The following CWH43 variants were observed in gnomAD, a reference collection of about 807,000 sequenced individuals.
CWH43 encodes the protein PGAP2-interacting protein.
In CWH43, 91 loss-of-function variants were observed where a neutral mutation model predicts 85.7. The observed-to-expected ratio is 1.06, with a 90% CI of 0.90 to 1.26. The LOEUF (loss-of-function observed/expected upper bound fraction) is 1.26, where lower values mean the gene tolerates loss of function less well. Among genes scored for constraint, CWH43 ranks in the 50% most tolerant of loss-of-function variants. The probability of loss-of-function intolerance (pLI) is 0.00; values close to 1 mark genes in which losing one functional copy is unlikely to be tolerated. For missense variants in CWH43, 869 were observed against 839.2 expected, an observed-to-expected ratio of 1.04 and a Z score of -0.44; for synonymous variants, 323 against 293.6, an observed-to-expected ratio of 1.10 and a Z score of -1.02.
At chr4:48,995,437 C>CT (rs1298069485) in intron 5 of CWH43, among the ~76,000 whole-genome samples, 1 of 152,222 alleles carries the variant, frequency 6.6e-6, no homozygotes, top group Non-Finnish European at 1.5e-5. Context: ...TTGTAACTGG[C>CT]TCCATCTCTT....
chr4:48,998,653 G>A, intron 6 of CWH43, 105 bp downstream of exon 6: 1 of 832,308 alleles, frequency 1.2e-6, no homozygotes. Flanking sequence ...ATACAAATAT[G>A]TACTGTGGCC....
At chr4:48,997,821 G>A (rs1346002490) in intron 5 of CWH43, among the ~76,000 whole-genome samples, 4 of 152,172 alleles carry the variant, frequency 2.6e-5, no homozygotes, top group African/African-American at 4.8e-5. Context: ...TTAAAATAGT[G>A]CCTGGTATGT....
chr4:49,016,039 TG>T (rs1451099538), intron 8 of CWH43, among the ~76,000 whole-genome samples: 1 of 152,216 alleles, frequency 6.6e-6, no homozygotes, highest in Non-Finnish European at 1.5e-5. Flanking sequence ...TTCCTGCTCA[TG>T]GAAACTTGTT....
chr4:49,049,016 T>A (rs1270780275), intron 14 of CWH43, among the ~76,000 whole-genome samples: 2 of 152,106 alleles, frequency 1.3e-5, no homozygotes, highest in African/African-American at 2.4e-5. Context: ...AATGGAAGAT[T>A]TGGATTGTCA....
chr4:49,056,335 T>C (rs1392176391), intron 15 of CWH43, among the ~76,000 whole-genome samples: 2 of 152,160 alleles, frequency 1.3e-5, no homozygotes, highest in African/African-American at 4.8e-5. Context: ...TGATTACCAG[T>C]TCAATTTTCT....
intron 9 of CWH43, among the ~76,000 whole-genome samples, chr4:49,019,336 G>GTT (rs752323567): frequency 1.3e-5 from 2 of 152,088 alleles, no homozygotes; most frequent in Non-Finnish European, 2.9e-5. Flanking sequence ...TGAGAAAAAA[G>GTT]TTGTGAGGCC....
intron 9 of CWH43, among the ~76,000 whole-genome samples, chr4:49,025,339 A>G (rs1200478849): frequency 1.3e-5 from 2 of 151,672 alleles, no homozygotes; most frequent in African/African-American, 2.4e-5. Flanking sequence ...CAACCTTCTG[A>G]ATTCTTTTTC....
At chr4:49,016,568 G>A in intron 8 of CWH43, 1 of 699,470 alleles carries the variant, frequency 1.4e-6, no homozygotes. Flanking sequence ...AACCATTACA[G>A]GGTGAAGATA....
intron 9 of CWH43, among the ~76,000 whole-genome samples, chr4:49,020,669 C>T (rs934106322): frequency 5.9e-5 from 9 of 152,118 alleles, no homozygotes; most frequent in Non-Finnish European, 1.2e-4. Flanking sequence ...GTTTACCTTC[C>T]CACAGACAGT....
intron 12 of CWH43, among the ~76,000 whole-genome samples, chr4:49,036,734 G>A (rs900881809): frequency 9.2e-5 from 14 of 152,146 alleles, no homozygotes; most frequent in Non-Finnish European, 1.9e-4. Context: ...TTCTGGGTAG[G>A]TTTAGCCAAT....
intron 13 of CWH43, among the ~76,000 whole-genome samples, chr4:49,042,537 C>A (rs1046883619): frequency 1.3e-5 from 2 of 152,146 alleles, no homozygotes; most frequent in African/African-American, 2.4e-5. Flanking sequence ...ATCTGGAATC[C>A]AGAAGGGCAG....
At chr4:49,019,785 G>A (rs1450392357) in intron 9 of CWH43, among the ~76,000 whole-genome samples, 2 of 151,974 alleles carry the variant, frequency 1.3e-5, no homozygotes, top group African/African-American at 4.8e-5. Context: ...TCACCATGAT[G>A]GGCAGGCTGG....
chr4:49,032,527 C>A (rs1784127290), intron 11 of CWH43, 39 bp from the exon 12 acceptor site: 4 of 1,610,762 alleles, frequency 2.5e-6, no homozygotes, highest in Middle Eastern at 1.6e-4. Context: ...TAGAATGGGA[C>A]TGACAATGAT....
chr4:49,050,768 A>T lies in CWH43; in HGVS notation c.1940A>T (p.Asp647Val). 6.2e-7 allele frequency: 1 copy of T among 1,611,668 alleles called. No individual in the cohort carries two copies. The highest frequency in any genetic ancestry group is 8.5e-7 in the Non-Finnish European group (1 of 1,177,908). The part of the protein sequence containing the change: ...EIQMAKFRIP[D>V]DPTNYRDNQK... ...CAGATGGCAAAATTTAGGATCCCTGATGACCCCACTAATTATAGAGACAAC... is the reference window on the plus strand; with the variant it reads ...CAGATGGCAAAATTTAGGATCCCTGTTGACCCCACTAATTATAGAGACAAC... The change falls in exon 15 of 16, where the codon GAT (aspartate) becomes GTT (valine). Residue 647 changes from aspartate (D) to valine (V), a missense_variant. Coordinates refer to ENST00000226432, the MANE Select transcript of CWH43 (RefSeq NM_025087.3).
chr4:48,988,585 C>T lies in CWH43; in HGVS notation c.152C>T (p.Ser51Phe). Reference sequence around the variant, plus strand: ...GAAGGTTTTAGTATAGCATTTCTTTCTCCAATATTCCTAACAATTACTCCT... The same window carrying T: ...GAAGGTTTTAGTATAGCATTTCTTTTTCCAATATTCCTAACAATTACTCCT... Reference protein sequence around the residue: ...GLEGFSIAFLSPIFLTITPFW... With the variant: ...GLEGFSIAFLFPIFLTITPFW... The change falls in exon 2 of 16, where the codon TCT (serine) becomes TTT (phenylalanine). Residue 51 changes from serine (S) to phenylalanine (F), a missense_variant. By Grantham distance (155) the Ser-to-Phe change is radical. This residue lies in a region of CWH43 where 140 missense variants were observed against 122.6 expected (regional missense o/e 1.14). Coordinates refer to ENST00000226432, the MANE Select transcript of CWH43 (RefSeq NM_025087.3). 1 of 1,613,206 alleles carries T rather than the reference C, an allele frequency of 6.2e-7. No individual in the cohort carries two copies. Among genetic ancestry groups the T allele is most frequent in the South Asian group, 1.1e-5 (1 of 91,038 alleles).
At chr4:49,053,775 A>G (rs558646614) in intron 15 of CWH43, among the ~76,000 whole-genome samples, 3 of 152,236 alleles carry the variant, frequency 2.0e-5, no homozygotes, top group African/African-American at 7.2e-5. Context: ...GCACTGACAC[A>G]GTGCTCTAAG....
intron 14 of CWH43, among the ~76,000 whole-genome samples, chr4:49,048,297 C>G (rs1374230043): frequency 6.6e-6 from 1 of 150,934 alleles, no homozygotes; most frequent in South Asian, 2.1e-4. Context: ...TATACACACT[C>G]TGTGTGTGTA....
chr4:49,020,058 C>T (rs1268407257), intron 9 of CWH43, among the ~76,000 whole-genome samples: 2 of 151,782 alleles, frequency 1.3e-5, no homozygotes, highest in Admixed American at 6.6e-5. Flanking sequence ...TGTTTGGTTA[C>T]GTGAATATGT....
At chr4:49,017,020 C>T (rs1054998622) in intron 8 of CWH43, 17 of 765,518 alleles carry the variant, frequency 2.2e-5, no homozygotes, top group Non-Finnish European at 3.6e-5. Flanking sequence ...TCGATATAGG[C>T]AGTTGGGGGA....
Sources: gnomAD v4.1 joint callset for allele counts (sites outside exome capture counted in the v4.1 genomes callset) on GRCh38, gnomAD v4.1.1 for gene constraint, gnomAD v4.1.1 regional missense constraint, MANE v1.5 for transcripts, NCBI Gene and HGNC (gene_info 2026-07-23, HGNC 2026-07-21) for gene names.